CLSTN1: variants seen among roughly 807,000 people sequenced by gnomAD.
CLSTN1 encodes calsyntenin-1.
In CLSTN1, 28 loss-of-function variants were observed where a neutral mutation model predicts 108.3. That is an observed-to-expected ratio of 0.26 (90% confidence interval 0.19 to 0.35). The LOEUF is 0.35. Ranked by LOEUF, CLSTN1 falls within the 10% of genes least tolerant of loss-of-function variation. The probability of loss-of-function intolerance (pLI) is 1.00; values close to 1 mark genes in which losing one functional copy is unlikely to be tolerated. For missense variants in CLSTN1, 1,157 were observed against 1,302.6 expected (o/e 0.89, Z 1.72); for synonymous variants, 524 against 534.9 (o/e 0.98, Z 0.28).
intron 1 of CLSTN1, among the ~76,000 whole-genome samples, chr1:9,811,756 G>T (rs908309694): frequency 6.6e-6 from 1 of 151,386 alleles, no homozygotes; most frequent in Non-Finnish European, 1.5e-5. Flanking sequence ...AAAGAGTAGG[G>T]ATTATCCAAG....
At chr1:9,759,200 C>T (rs1206154917) in intron 2 of CLSTN1, among the ~76,000 whole-genome samples, 2 of 152,198 alleles carry the variant, frequency 1.3e-5, no homozygotes, top group Non-Finnish European at 2.9e-5. Flanking sequence ...GAAGAGCCCA[C>T]ACACTAAAAA....
chr1:9,772,598 A>C (rs1570474773), intron 2 of CLSTN1, among the ~76,000 whole-genome samples: 2 of 152,342 alleles, frequency 1.3e-5, no homozygotes, highest in African/African-American at 4.8e-5. Context: ...TTAAGGACCC[A>C]ACGTGAAGCC....
At chr1:9,752,600 T>G (rs1422821634) in intron 4 of CLSTN1, among the ~76,000 whole-genome samples, 2 of 152,084 alleles carry the variant, frequency 1.3e-5, no homozygotes, top group Non-Finnish European at 2.9e-5. Flanking sequence ...GTGTGGTGGC[T>G]CACACCTATC....
chr1:9,746,722 A>G (rs1328775689), intron 7 of CLSTN1, among the ~76,000 whole-genome samples: 1 of 151,636 alleles, frequency 6.6e-6, no homozygotes, highest in South Asian at 2.1e-4. Context: ...AAAAGAAAAA[A>G]AAAAACCACA....
intron 1 of CLSTN1, among the ~76,000 whole-genome samples, chr1:9,793,651 G>A (rs775701147): frequency 6.6e-6 from 1 of 151,516 alleles, no homozygotes; most frequent in African/African-American, 2.4e-5. Flanking sequence ...ACTCCAAGAC[G>A]CTTTTTGCCC....
chr1:9,811,483 C>T (rs896618160), intron 1 of CLSTN1, among the ~76,000 whole-genome samples: 1 of 152,088 alleles, frequency 6.6e-6, no homozygotes, highest in African/African-American at 2.4e-5. Flanking sequence ...GAAGCAAGCT[C>T]TGACCTTGCC....
intron 1 of CLSTN1, among the ~76,000 whole-genome samples, chr1:9,798,660 T>G (rs1654120495): frequency 6.6e-6 from 1 of 152,154 alleles, no homozygotes; most frequent in South Asian, 2.1e-4. Context: ...ATTTTGGAAC[T>G]AGATAGAGGT....
intron 1 of CLSTN1, among the ~76,000 whole-genome samples, chr1:9,778,960 T>A (rs1320122412): frequency 6.6e-6 from 1 of 151,116 alleles, no homozygotes; most frequent in Non-Finnish European, 1.5e-5. Context: ...GAGGCAGAGG[T>A]TGCAGTGTGC....
intron 2 of CLSTN1, among the ~76,000 whole-genome samples, chr1:9,762,628 T>TCCGCTCCACTC (rs1652136040): frequency 1.5e-4 from 23 of 148,904 alleles, no homozygotes; most frequent in African/African-American, 5.5e-4. Context: ...ACTCAACGGC[T>TCCGCTCCACTC]GGGTGTCCGG....
At position 9,734,588 on chromosome 1, in the gene CLSTN1, A is replaced by AG. The variant is rs1650582678; in HGVS notation, c.2110+359_2110+360insC. 6.6e-6 allele frequency among the ~76,000 whole-genome samples: 1 copy of AG among 151,198 alleles called. No individual in the cohort carries two copies. The highest frequency in any genetic ancestry group is 2.1e-4 in the South Asian group (1 of 4,794). Reference sequence around the variant, plus strand: ...AGACTCCATCTCAAAAAAAAAAAAAAAGGGGGGGAGTTTCATGTGTCCTGA... The same window carrying AG: ...AGACTCCATCTCAAAAAAAAAAAAAAGAGGGGGGGAGTTTCATGTGTCCTGA... On this transcript the variant is annotated intron_variant, in intron 14 of 18. Coordinates refer to ENST00000377298, the MANE Select transcript of CLSTN1 (RefSeq NM_001009566.3). The surrounding 1 kb of genome is among the most constrained non-coding windows in gnomAD (Gnocchi z 4.8).
At chr1:9,752,668 C>G (rs770689492) in intron 4 of CLSTN1, among the ~76,000 whole-genome samples, 17 of 152,116 alleles carry the variant, frequency 1.1e-4, no homozygotes, top group Non-Finnish European at 2.5e-4. Flanking sequence ...TAAAGACCAT[C>G]CTGGCCAACA....
intron 3 of CLSTN1, 31 bp downstream of exon 3, chr1:9,756,450 C>T: frequency 1.3e-6 from 2 of 1,595,434 alleles, no homozygotes; most frequent in Non-Finnish European, 1.7e-6. Flanking sequence ...GGTTAATATT[C>T]ATAAGAGGGG....
At position 9,776,788 on chromosome 1, in the gene CLSTN1, C is replaced by CTCTATCTATCTATCTATCTATCTATCTA. The variant is rs137950862; in HGVS notation, c.92-3395_92-3394insTAGATAGATAGATAGATAGATAGATAGA. On this transcript the variant is annotated intron_variant, in intron 1 of 18. Coordinates refer to ENST00000377298, the MANE Select transcript of CLSTN1 (RefSeq NM_001009566.3). ...ATTATCCATCCATCCACCCACCTAT[C>CTCTATCTATCTATCTATCTATCTATCTA]TCTATCTATCTATCTATCTATCTAT... is the stretch of plus-strand genomic sequence containing the variant. 1.7e-3 allele frequency among the ~76,000 whole-genome samples: 251 copies of CTCTATCTATCTATCTATCTATCTATCTA among 151,868 alleles called. 3 individuals carry two copies. The highest frequency in any genetic ancestry group is 9.9e-3 in the East Asian group (51 of 5,162).
At chr1:9,759,100 T>A (rs1462098426) in intron 2 of CLSTN1, among the ~76,000 whole-genome samples, 1 of 152,152 alleles carries the variant, frequency 6.6e-6, no homozygotes, top group Non-Finnish European at 1.5e-5. Context: ...AGTGCTCCCC[T>A]TGGCACAGCA....
intron 1 of CLSTN1, among the ~76,000 whole-genome samples, chr1:9,798,434 T>C (rs1357152092): frequency 6.6e-6 from 1 of 152,042 alleles, no homozygotes; most frequent in East Asian, 1.9e-4. Context: ...TGTACGAGCC[T>C]CAAAAAATTA....
intron 1 of CLSTN1, among the ~76,000 whole-genome samples, chr1:9,798,169 AGG>A (rs1186198228): frequency 1.6e-5 from 1 of 60,994 alleles, no homozygotes; most frequent in Non-Finnish European, 3.0e-5. Flanking sequence ...GGAGGGGAAG[AGG>A]GAGGGGGAGG....
At chr1:9,766,707 A>G (rs1258066574) in intron 2 of CLSTN1, among the ~76,000 whole-genome samples, 2 of 152,192 alleles carry the variant, frequency 1.3e-5, no homozygotes, top group Non-Finnish European at 2.9e-5. Context: ...TTTCTGACCC[A>G]TGACTACTCA....
Position 9,733,544 on chromosome 1 carries a change from C to T in CLSTN1, c.2284G>A (p.Val762Met), listed in dbSNP as rs752627658. 5 of 1,613,802 alleles carry T rather than the reference C, an allele frequency of 3.1e-6. No homozygotes were observed. The highest frequency in any genetic ancestry group is 4.2e-6 in the Non-Finnish European group (5 of 1,180,000). Residue 762 changes from valine (V) to methionine (M), a missense_variant and splice_region_variant, in exon 16 of 19, where the codon GTG (valine) becomes ATG (methionine). Val to Met is a conservative substitution (Grantham distance 21). Coordinates refer to ENST00000377298, the MANE Select transcript of CLSTN1 (RefSeq NM_001009566.3). Reference sequence around the variant, plus strand: ...TCCTCGTAGCTGGCCATGGTGTCCACGCCTGCAGGGGTTGAAAGGGGGAAG... The same window carrying T: ...TCCTCGTAGCTGGCCATGGTGTCCATGCCTGCAGGGGTTGAAAGGGGGAAG... ...SSELGMTFTGVDTMASYEEVL... is the reference protein window; with the variant it reads ...SSELGMTFTGMDTMASYEEVL...
intron 1 of CLSTN1, among the ~76,000 whole-genome samples, chr1:9,819,714 A>G (rs1655120243): frequency 1.3e-5 from 2 of 152,228 alleles, no homozygotes; most frequent in Admixed American, 6.5e-5. Flanking sequence ...GAATATATTC[A>G]AAATTGTTCG....
Sources: gnomAD v4.1 joint callset for allele counts (sites outside exome capture counted in the v4.1 genomes callset) on GRCh38, gnomAD v4.1.1 for gene constraint, Gnocchi (gnomAD v3.1) non-coding constraint, MANE v1.5 for transcripts, NCBI Gene and HGNC (gene_info 2026-07-23, HGNC 2026-07-21) for gene names.